Variants in ZBTB7C observed in about 807,000 individuals in gnomAD.
ZBTB7C encodes zinc finger and BTB domain-containing protein 7C.
ZBTB7C carries 8 observed loss-of-function variants against 25.7 expected under a neutral mutation model. The observed-to-expected ratio is 0.31, with a 90% CI of 0.18 to 0.56. ZBTB7C has a LOEUF of 0.56. Among genes scored for constraint, ZBTB7C ranks in the 20% least tolerant of loss-of-function variants. The pLI, the probability that ZBTB7C is intolerant of heterozygous loss-of-function variation, is 0.91. For synonymous variants in ZBTB7C, 394 were observed against 369.0 expected, an observed-to-expected ratio of 1.07 and a Z score of -0.78; for missense variants, 824 against 855.2, an observed-to-expected ratio of 0.96 and a Z score of 0.46.
intron 3 of ZBTB7C, among the ~76,000 whole-genome samples, chr18:48,106,579 G>A (rs372167430): frequency 7.9e-5 from 12 of 152,246 alleles, no homozygotes; most frequent in Admixed American, 3.3e-4. Flanking sequence ...AACTTGAGGG[G>A]TGCTGTATTT....
At chr18:48,270,208 G>A (rs2044433664) in intron 2 of ZBTB7C, among the ~76,000 whole-genome samples, 1 of 150,770 alleles carries the variant, frequency 6.6e-6, no homozygotes, top group Non-Finnish European at 1.5e-5. Context: ...CAATGAAAGA[G>A]GAAACTAATT....
chr18:48,215,800 C>T (rs1489048590), intron 2 of ZBTB7C, among the ~76,000 whole-genome samples: 1 of 152,150 alleles, frequency 6.6e-6, no homozygotes. Flanking sequence ...AAATTTCCCC[C>T]ACAGTAGACA....
At chr18:48,083,474 T>G (rs569494352) in intron 3 of ZBTB7C, among the ~76,000 whole-genome samples, 17 of 150,556 alleles carry the variant, frequency 1.1e-4, no homozygotes, top group African/African-American at 4.2e-4. Flanking sequence ...CCACACCTCC[T>G]CATACAGAGG....
intron 4 of ZBTB7C, among the ~76,000 whole-genome samples, chr18:48,035,768 C>T (rs1475752814): frequency 6.6e-6 from 1 of 152,240 alleles, no homozygotes; most frequent in Non-Finnish European, 1.5e-5. Context: ...TCACCTCTGG[C>T]CGAAGCCTGC....
intron 1 of ZBTB7C, among the ~76,000 whole-genome samples, chr18:48,406,462 C>G (rs1374507086): frequency 3.3e-5 from 5 of 152,202 alleles, no homozygotes; most frequent in Non-Finnish European, 1.5e-5. Context: ...CTCTCTGCCT[C>G]AGTTTCTCCC....
At chr18:48,247,187 G>C (rs1025681165) in intron 2 of ZBTB7C, among the ~76,000 whole-genome samples, 2 of 152,074 alleles carry the variant, frequency 1.3e-5, no homozygotes, top group African/African-American at 4.8e-5. Flanking sequence ...TAACAGCATA[G>C]AGCATCCATA....
At chr18:48,235,797 G>GT (rs2043364241) in intron 2 of ZBTB7C, among the ~76,000 whole-genome samples, 1 of 152,160 alleles carries the variant, frequency 6.6e-6, no homozygotes, top group Non-Finnish European at 1.5e-5. Context: ...GAAGTCAGCT[G>GT]TTTTTCCAGT....
At chr18:48,305,764 G>A (rs1417475316) in intron 2 of ZBTB7C, among the ~76,000 whole-genome samples, 1 of 152,112 alleles carries the variant, frequency 6.6e-6, no homozygotes, top group Admixed American at 6.5e-5. Context: ...CTAAGGATTT[G>A]GTATGGACAG....
In ZBTB7C at chr18:48,296,141, G is replaced by C. The variant is rs575723688; in HGVS notation, c.-79+42033C>G. 7.8e-3 allele frequency among the ~76,000 whole-genome samples: 1,181 copies of C among 152,234 alleles called. 7 individuals are homozygous for C. Among genetic ancestry groups the C allele is most frequent in the Non-Finnish European group, 0.013 (874 of 67,998 alleles). On this transcript the variant is annotated intron_variant, in intron 2 of 4. Coordinates refer to ENST00000590800, the MANE Select transcript of ZBTB7C (RefSeq NM_001318841.2). The stretch of plus-strand genomic sequence containing the variant: ...CACCAACCACCTGCCATGCCCATGC[G>C]CCTTGGTCTCAGCACCTGCCCAACC...
At chr18:48,087,177 G>T (rs1218948040) in intron 3 of ZBTB7C, among the ~76,000 whole-genome samples, 1 of 152,210 alleles carries the variant, frequency 6.6e-6, no homozygotes, top group Admixed American at 6.5e-5. Context: ...TGCTCACTGT[G>T]CTCCTGGGCC....
chr18:48,204,245 C>T (rs1028546494), intron 2 of ZBTB7C, among the ~76,000 whole-genome samples: 16 of 152,206 alleles, frequency 1.1e-4, no homozygotes, highest in Non-Finnish European at 2.4e-4. Flanking sequence ...GAGCTGGCCT[C>T]CTCCTCTCCA....
intron 3 of ZBTB7C, among the ~76,000 whole-genome samples, chr18:48,172,451 G>A (rs997387785): frequency 2.6e-5 from 4 of 152,198 alleles, no homozygotes; most frequent in African/African-American, 4.8e-5. Context: ...GTTGGGAGCT[G>A]GGAGCGGAGT....
intron 2 of ZBTB7C, among the ~76,000 whole-genome samples, chr18:48,230,769 T>C (rs1431649078): frequency 1.3e-5 from 2 of 152,054 alleles, no homozygotes; most frequent in East Asian, 3.9e-4. Context: ...TAACAAACAC[T>C]GCTAGGGGAA....
At chr18:48,371,159 C>T (rs966157999) in intron 1 of ZBTB7C, among the ~76,000 whole-genome samples, 1 of 152,108 alleles carries the variant, frequency 6.6e-6, no homozygotes, top group African/African-American at 2.4e-5. Context: ...GAGGAGGAAG[C>T]CTACACTCAA....
At chr18:48,053,024 T>C (rs1052313647) in intron 3 of ZBTB7C, among the ~76,000 whole-genome samples, 4 of 152,138 alleles carry the variant, frequency 2.6e-5, no homozygotes, top group Non-Finnish European at 5.9e-5. Context: ...CACAGGAAAA[T>C]ACATGTGAAC....
At chr18:48,234,974 A>G in intron 2 of ZBTB7C, among the ~76,000 whole-genome samples, 1 of 152,260 alleles carries the variant, frequency 6.6e-6, no homozygotes, top group South Asian at 2.1e-4. Context: ...TAAGAAATTT[A>G]TTTTTGTGAT....
chr18:48,076,939 G>C (rs1370513927), intron 3 of ZBTB7C: 3 of 985,044 alleles, frequency 3.0e-6, no homozygotes, highest in Non-Finnish European at 3.6e-6. Context: ...TACTAACCTG[G>C]CTTTAACACT....
At chr18:48,396,674 C>G (rs2048034349) in intron 1 of ZBTB7C, among the ~76,000 whole-genome samples, 1 of 152,232 alleles carries the variant, frequency 6.6e-6, no homozygotes, top group Non-Finnish European at 1.5e-5. Flanking sequence ...CATTTCACAG[C>G]CTAATCGTTA....
At chr18:48,136,313 G>A (rs2040158274) in intron 3 of ZBTB7C, among the ~76,000 whole-genome samples, 1 of 152,188 alleles carries the variant, frequency 6.6e-6, no homozygotes, top group South Asian at 2.1e-4. Context: ...GCTCGGGTGG[G>A]AGTGCTCCCC....
Sources: allele counts gnomAD v4.1 joint callset (sites outside exome capture counted in the v4.1 genomes callset), GRCh38; gene constraint gnomAD v4.1.1; transcripts MANE v1.5; gene names NCBI Gene and HGNC (gene_info 2026-07-23, HGNC 2026-07-21).